Variants in HOXB2 observed in about 807,000 individuals in gnomAD.
HOXB2 encodes the protein homeobox B2.
HOXB2 carries 14 observed loss-of-function variants against 13.1 expected under a neutral mutation model. The observed-to-expected ratio is 1.07, with a 90% CI of 0.71 to 1.67. The LOEUF is 1.67. Ranked by LOEUF, HOXB2 falls within the 40% of genes most tolerant of loss-of-function variation. The pLI, the probability that HOXB2 is intolerant of heterozygous loss-of-function variation, is 0.00. For missense variants in HOXB2, 582 were observed against 488.3 expected, an observed-to-expected ratio of 1.19 and a Z score of -1.81; for synonymous variants, 261 against 233.1, an observed-to-expected ratio of 1.12 and a Z score of -1.09.
chr17:48,545,051 A>G lies in HOXB2; in HGVS notation c.-140T>C. 1.5e-6 allele frequency: 1 copy of G among 684,764 alleles called. No individual in the cohort carries two copies. Among genetic ancestry groups the G allele is most frequent in the Non-Finnish European group, 2.4e-6 (1 of 423,730 alleles). The allele number at this position is 684,764 out of a possible 1,614,324, so 42.4% of individuals were successfully genotyped here. On this transcript the variant is annotated 5_prime_UTR_variant, in exon 1 of 2. Transcript: ENST00000330070. ...GAGATTTCGGTCTCTCTTTTTTTTA[A>G]TTTTGGGCCTTTATAATTGTATATT... is the stretch of plus-strand genomic sequence containing the variant.
rs781644667 is a variant in HOXB2, at chr17:48,544,802, A to T, written c.110T>A (p.Ile37Asn). The change falls in exon 1 of 2, where the codon ATC becomes AAC. Residue 37 changes from isoleucine (I) to asparagine (N), a missense_variant. Transcript: ENST00000330070. ...AGGAGGAATTAATGTCGACTCCTTG[A>T]TTGATGAAGTTTGAAATGTCTCCAA... ...AVLETFQTSS[I>N]KESTLIPPPP... 15 of 1,613,882 alleles carry T rather than the reference A, an allele frequency of 9.3e-6. No homozygotes were observed. In the East Asian group the frequency reaches 1.8e-4, roughly 19 times the overall value.
At position 48,543,277 on chromosome 17, in the gene HOXB2, C is replaced by G. The variant is rs138533724; in HGVS notation, c.862G>C (p.Gly288Arg). The change falls in exon 2 of 2, where the codon GGG (glycine) becomes CGG (arginine). Residue 288 changes from glycine to arginine, a missense_variant. Gly to Arg is a moderately radical substitution (Grantham distance 125). Coordinates refer to ENST00000330070, the MANE Select transcript of HOXB2 (RefSeq NM_002145.4). ...GAGAAGACGTCTTCTGGCAATGGCC[C>G]GGGCTCCAGCCCGCCGGCCCCGCGC... ...ALRGAGGLEP[G>R]PLPEDVFSGR... is the part of the protein sequence containing the mutation. 3.7e-6 allele frequency: 6 copies of G among 1,604,698 alleles called. No homozygotes were observed. Among genetic ancestry groups the G allele is most frequent in the East Asian group, 2.2e-5 (1 of 44,804 alleles).
At position 48,543,913 on chromosome 17, in the gene HOXB2, C is replaced by T. The variant is rs1021974480; in HGVS notation, c.392-166G>A. 6.4e-6 allele frequency: 9 copies of T among 1,397,686 alleles called. No homozygotes were observed. In the African/African-American group the frequency reaches 7.6e-5, roughly 12 times the overall value. The allele number at this position is 1,397,686 out of a possible 1,614,324, so 86.6% of individuals were successfully genotyped here. A position where few individuals can be genotyped will look rare whatever the true frequency, so the allele number is the denominator to read the frequency against. On this transcript the variant is annotated intron_variant, in intron 1 of 1. Coordinates refer to ENST00000330070, the MANE Select transcript of HOXB2 (RefSeq NM_002145.4). The stretch of plus-strand genomic sequence containing the variant: ...CTTTACTGCTTTTGGGTTTTCTTCT[C>T]TCCCTCTCTAGTCTACAGCCCCGGC...
At position 48,544,854 on chromosome 17, in the gene HOXB2, C is replaced by T. The variant is rs773071254; in HGVS notation, c.58G>A (p.Glu20Lys). The T allele has an allele frequency of 7.5e-6, 12 of 1,608,724 alleles. No individual in the cohort carries two copies. In the Admixed American group the frequency reaches 1.3e-4, roughly 18 times the overall value. ...ACAGCGGGGAAGGAAGTCAGACACT[C>T]GGCGAGCGACGGCTGGCTGTTTATA... ...GFINSQPSLA[E>K]CLTSFPAVLE... Residue 20 changes from glutamate (E) to lysine (K), a missense_variant, in exon 1 of 2, where the codon GAG becomes AAG. Glu to Lys is a moderately conservative substitution (Grantham distance 56, BLOSUM62 1). Transcript: ENST00000330070.
chr17:48,543,341 G>A lies in HOXB2; in HGVS notation c.798C>T (p.Arg266=), dbSNP rs554594017. The change falls in exon 2 of 2, where the codon CGC becomes CGT. Residue 266 remains arginine, a synonymous_variant. Transcript: ENST00000330070. ...LSADPRPLAV[R]LEGAGASSPG... ...GACTCGACGCGCCTGCGCCCTCTAAGCGAACGGCTAAAGGCCGGGGGTCCG... is the reference window on the plus strand; with the variant it reads ...GACTCGACGCGCCTGCGCCCTCTAAACGAACGGCTAAAGGCCGGGGGTCCG... The A allele has an allele frequency of 1.5e-4, 240 of 1,598,860 alleles. 3 individuals are homozygous for A. The Middle Eastern group carries it at 1.9e-3, about 13-fold the overall frequency.
rs1261974029 is a variant in HOXB2 at position 48,544,890 on chromosome 17, C to G, written c.22G>C (p.Glu8Gln). ...GGCTGGCTGTTTATAAACCCAATCTCCCTCTCAAATTCAAAATTCATGGCT... is the reference window on the plus strand; with the variant it reads ...GGCTGGCTGTTTATAAACCCAATCTGCCTCTCAAATTCAAAATTCATGGCT... The part of the protein sequence containing the change: MNFEFER[E>Q]IGFINSQPSL... Residue 8 changes from glutamate to glutamine, a missense_variant, in exon 1 of 2, where the codon GAG becomes CAG. Glu to Gln is a conservative substitution (Grantham distance 29, BLOSUM62 2). Coordinates refer to ENST00000330070, the MANE Select transcript of HOXB2 (RefSeq NM_002145.4). 6.2e-7 allele frequency: 1 copy of G among 1,608,148 alleles called. No individual in the cohort carries two copies.
In HOXB2 at chr17:48,544,831, A is replaced by T. The variant is rs768833931; in HGVS notation, c.81T>A (p.Ala27=). ...SLAECLTSFP[A]VLETFQTSSI... Reference sequence around the variant, plus strand: ...ATGAAGTTTGAAATGTCTCCAAGACAGCGGGGAAGGAAGTCAGACACTCGG... The same window carrying T: ...ATGAAGTTTGAAATGTCTCCAAGACTGCGGGGAAGGAAGTCAGACACTCGG... The change falls in exon 1 of 2, where the codon GCT becomes GCA. Residue 27 remains alanine, a synonymous_variant. Transcript: ENST00000330070. 6.8e-6 allele frequency: 11 copies of T among 1,612,986 alleles called. No homozygotes were observed. The African/African-American group carries it at 1.2e-4, about 18-fold the overall frequency.
intron 1 of HOXB2, 61 bp from the exon 2 acceptor site, chr17:48,543,808 G>C: frequency 6.6e-7 from 1 of 1,509,566 alleles, no homozygotes; most frequent in Non-Finnish European, 8.8e-7. Context: ...CCTCAGTTCG[G>C]ACTACCCCAT....
chr17:48,544,948 G>GGGGGGGGGGGGGC lies in HOXB2; in HGVS notation c.-38_-37insGCCCCCCCCCCCC. The GGGGGGGGGGGGGC allele has an allele frequency of 9.5e-7, 1 of 1,051,216 alleles. No homozygotes were observed. Among genetic ancestry groups the GGGGGGGGGGGGGC allele is most frequent in the Non-Finnish European group, 1.3e-6 (1 of 749,884 alleles). 65.1% of individuals were successfully genotyped at this position (1,051,216 alleles called of 1,614,324 possible). ...GTGGGGGAGGGGGCTGCTGGGGGGG[G>GGGGGGGGGGGGGC]CGTCAGGAGGGAGGATCGGAAGGGA... On this transcript the variant is annotated 5_prime_UTR_variant, in exon 1 of 2. Coordinates refer to ENST00000330070, the MANE Select transcript of HOXB2 (RefSeq NM_002145.4).
In HOXB2 at chr17:48,542,826, A is replaced by G; in HGVS notation, c.*242T>C. On this transcript the variant is annotated 3_prime_UTR_variant, in exon 2 of 2. Transcript: ENST00000330070. The stretch of plus-strand genomic sequence containing the variant: ...AAGAAAGTCCCCCTAGAGTTTAATT[A>G]TTCCTGAGATTTCATTGGAAGGAGT... 1 of 377,842 alleles carries G rather than the reference A, an allele frequency of 2.6e-6. No homozygotes were observed. The highest frequency in any genetic ancestry group is 4.7e-6 in the Non-Finnish European group (1 of 213,836). The allele number at this position is 377,842 out of a possible 1,614,324, so 23.4% of individuals were successfully genotyped here.
At chr17:48,544,330 A>G in intron 1 of HOXB2, 191 bp downstream of exon 1, 1 of 1,334,940 alleles carries the variant, frequency 7.5e-7, no homozygotes, top group Non-Finnish European at 9.5e-7. Context: ...AGAGAGAGAG[A>G]CAGAAAAAAA....
At position 48,544,630 on chromosome 17, in the gene HOXB2, C is replaced by T; in HGVS notation, c.282G>A (p.Glu94=). ...ATTTCTTCTCTTTCATCCAAGGGAA[C>T]TCGGGGGCCGGGGGGGCAGCGGGGA... is the stretch of plus-strand genomic sequence containing the variant. The part of the protein sequence containing the change: ...PPLPAAPPAP[E]FPWMKEKKSA... The change falls in exon 1 of 2, where the codon GAG becomes GAA. Residue 94 remains glutamate, a synonymous_variant. Coordinates refer to ENST00000330070, the MANE Select transcript of HOXB2 (RefSeq NM_002145.4). The T allele has an allele frequency of 6.2e-7, 1 of 1,611,906 alleles. No individual in the cohort carries two copies. Among genetic ancestry groups the T allele is most frequent in the Non-Finnish European group, 8.5e-7 (1 of 1,179,698 alleles).
In HOXB2 at chr17:48,544,536, C is replaced by T; in HGVS notation, c.376G>A (p.Val126Ile). Residue 126 changes from valine (V) to isoleucine (I), a missense_variant, in exon 1 of 2, where the codon GTC (valine) becomes ATC (isoleucine). Val to Ile is a conservative substitution (Grantham distance 29, BLOSUM62 3). Transcript: ENST00000330070. ...GCTTACCGACCTGCAGGCGATCCGA[C>T]CCCGGAGGCCGGAACGGCGGAGGCG... Reference protein sequence around the residue: ...PAASAVPASGVGSPADGLGLP... With the variant: ...PAASAVPASGIGSPADGLGLP... 1 of 1,604,968 alleles carries T rather than the reference C, an allele frequency of 6.2e-7. No homozygotes were observed. Among genetic ancestry groups the T allele is most frequent in the South Asian group, 1.1e-5 (1 of 90,680 alleles).
Position 48,542,992 on chromosome 17 carries a change from G to T in HOXB2, c.*76C>A. On this transcript the variant is annotated 3_prime_UTR_variant, in exon 2 of 2. Coordinates refer to ENST00000330070, the MANE Select transcript of HOXB2 (RefSeq NM_002145.4). Reference sequence around the variant, plus strand: ...AAAACACATAAGTCTATGCGACTGAGGGTGGGAGAGGCTCGATTTTTCCAG... The same window carrying T: ...AAAACACATAAGTCTATGCGACTGATGGTGGGAGAGGCTCGATTTTTCCAG... The T allele has an allele frequency of 1.7e-6, 2 of 1,168,926 alleles. No individual in the cohort carries two copies. Among genetic ancestry groups the T allele is most frequent in the Non-Finnish European group, 2.4e-6 (2 of 824,936 alleles). The allele number at this position is 1,168,926 out of a possible 1,614,324, so 72.4% of individuals were successfully genotyped here.
In HOXB2 at chr17:48,544,855, G is replaced by C. The variant is rs539116787; in HGVS notation, c.57C>G (p.Ala19=). Residue 19 remains alanine, a synonymous_variant, in exon 1 of 2, where the codon GCC becomes GCG. Coordinates refer to ENST00000330070, the MANE Select transcript of HOXB2 (RefSeq NM_002145.4). ...IGFINSQPSL[A]ECLTSFPAVL... is the part of the protein sequence containing the mutation. ...CAGCGGGGAAGGAAGTCAGACACTC[G>C]GCGAGCGACGGCTGGCTGTTTATAA... 5 of 1,613,630 alleles carry C rather than the reference G, an allele frequency of 3.1e-6. No homozygotes were observed. In the South Asian group the frequency reaches 4.4e-5, roughly 14 times the overall value.
At position 48,545,033 on chromosome 17, in the gene HOXB2, C is replaced by T; in HGVS notation, c.-122G>A. On this transcript the variant is annotated 5_prime_UTR_variant, in exon 1 of 2. Transcript: ENST00000330070. Reference sequence around the variant, plus strand: ...GAGCGATTTTGGGAGGGGGAGATTTCGGTCTCTCTTTTTTTTAATTTTGGG... The same window carrying T: ...GAGCGATTTTGGGAGGGGGAGATTTTGGTCTCTCTTTTTTTTAATTTTGGG... The T allele has an allele frequency of 2.4e-6, 2 of 825,472 alleles. No individual in the cohort carries two copies. The highest frequency in any genetic ancestry group is 2.8e-5 in the East Asian group (1 of 35,566). 51.1% of individuals were successfully genotyped at this position (825,472 alleles called of 1,614,324 possible).
Position 48,542,963 on chromosome 17 carries a change from T to C in HOXB2, c.*105A>G. 2.4e-6 allele frequency: 2 copies of C among 838,520 alleles called. No homozygotes were observed. The highest frequency in any genetic ancestry group is 4.8e-4 in the Middle Eastern group (2 of 4,170). 51.9% of individuals were successfully genotyped at this position (838,520 alleles called of 1,614,324 possible). A position where few individuals can be genotyped will look rare whatever the true frequency, so the allele number is the denominator to read the frequency against. ...CGCTAATTCAGTAATACCTGAATTT[T>C]AGCAAAACACATAAGTCTATGCGAC... is the stretch of plus-strand genomic sequence containing the variant. On this transcript the variant is annotated 3_prime_UTR_variant, in exon 2 of 2. Coordinates refer to ENST00000330070, the MANE Select transcript of HOXB2 (RefSeq NM_002145.4).
intron 1 of HOXB2, 175 bp from the exon 2 acceptor site, chr17:48,543,922 T>G: frequency 8.2e-6 from 11 of 1,334,714 alleles, no homozygotes; most frequent in East Asian, 3.3e-5. Flanking sequence ...TCTCCCTCTC[T>G]AGTCTACAGC....
chr17:48,544,657 T>TGGC lies in HOXB2; in HGVS notation c.252_254dup (p.Pro85dup), dbSNP rs758102266. ...CGGGGGCCGGGGGGGCAGCGGGGAG[T>TGGC]GGCGGCGGCGGTGGCGGCGGCAGAG... On this transcript the variant is annotated inframe_insertion, in exon 1 of 2. Coordinates refer to ENST00000330070, the MANE Select transcript of HOXB2 (RefSeq NM_002145.4). The TGGC allele has an allele frequency of 1.2e-6, 2 of 1,610,074 alleles. No homozygotes were observed. Among genetic ancestry groups the TGGC allele is most frequent in the South Asian group, 2.2e-5 (2 of 90,914 alleles).
Sources: gnomAD v4.1 joint callset for allele counts on GRCh38, gnomAD v4.1.1 for gene constraint, MANE v1.5 for transcripts, NCBI Gene and HGNC (gene_info 2026-07-23, HGNC 2026-07-21) for gene names.